Variants in ADAM18 observed in about 807,000 individuals in gnomAD.
ADAM18 encodes disintegrin and metalloproteinase domain-containing protein 18.
A neutral mutation model predicts 94.4 loss-of-function variants in ADAM18; 117 were observed. The observed-to-expected ratio is 1.24, with a 90% CI of 1.07 to 1.45. ADAM18 has a LOEUF of 1.45. Ranked by LOEUF, ADAM18 falls within the 40% of genes most tolerant of loss-of-function variation. ADAM18 has a pLI of 0.00. For synonymous variants in ADAM18, 327 were observed against 291.6 expected (o/e 1.12, Z -1.24); for missense variants, 936 against 880.0 (o/e 1.06, Z -0.81).
At chr8:39,679,711 C>T (rs558863303) in intron 15 of ADAM18, among the ~76,000 whole-genome samples, 9 of 152,206 alleles carry the variant, frequency 5.9e-5, no homozygotes, top group Admixed American at 5.9e-4. Flanking sequence ...GCTGGCCAAG[C>T]TATATCAAAG....
At chr8:39,615,137 A>G (rs1819400145) in intron 6 of ADAM18, among the ~76,000 whole-genome samples, 1 of 152,142 alleles carries the variant, frequency 6.6e-6, no homozygotes, top group Admixed American at 6.6e-5. Flanking sequence ...ACTCCACCCT[A>G]AGAACAGAAT....
chr8:39,653,723 C>T lies in ADAM18; in HGVS notation c.1230+5196C>T, dbSNP rs193147250. Among the ~76,000 whole-genome samples the T allele has an allele frequency of 6.0e-3, 915 of 152,246 alleles. 5 individuals carry two copies. Among genetic ancestry groups the T allele is most frequent in the African/African-American group, 0.021 (869 of 41,542 alleles). On this transcript the variant is annotated intron_variant, in intron 12 of 19. Transcript: ENST00000265707. ...TTTTATGTGTTTTTAATTGATATAT[C>T]ATAGTTGTACATATTTTGGGGGTAC... is the stretch of plus-strand genomic sequence containing the variant.
intron 18 of ADAM18, among the ~76,000 whole-genome samples, chr8:39,716,222 T>C (rs1822573701): frequency 6.6e-6 from 1 of 152,016 alleles, no homozygotes; most frequent in African/African-American, 2.4e-5. Context: ...CTTGCTATTT[T>C]TTTTCTGCTA....
chr8:39,673,851 T>A (rs1014550308), intron 14 of ADAM18, among the ~76,000 whole-genome samples: 7 of 152,220 alleles, frequency 4.6e-5, no homozygotes, highest in Non-Finnish European at 1.0e-4. Flanking sequence ...TCAAAGAACA[T>A]CTTTATTTCT....
chr8:39,676,687 T>G (rs1821311702), intron 14 of ADAM18, among the ~76,000 whole-genome samples: 1 of 152,210 alleles, frequency 6.6e-6, no homozygotes, highest in Admixed American at 6.5e-5. Context: ...ATGAACCAGG[T>G]ACCTCAGTTG....
Position 39,610,716 on chromosome 8 carries a change from A to C in ADAM18, c.522+10A>C, listed in dbSNP as rs758728874. The C allele has an allele frequency of 1.2e-6, 2 of 1,611,206 alleles. No homozygotes were observed. The highest frequency in any genetic ancestry group is 1.7e-6 in the Non-Finnish European group (2 of 1,178,786). ...TCCTTTAAACTCACAGGTGACTGTC[A>C]TCATTCTGATGTTATGACATACTAG... On this transcript the variant is annotated intron_variant, in intron 6 of 19. Coordinates refer to ENST00000265707, the MANE Select transcript of ADAM18 (RefSeq NM_014237.3).
At chr8:39,641,679 G>T (rs7016021) in intron 10 of ADAM18, among the ~76,000 whole-genome samples, 89,144 of 151,926 alleles carry the variant, frequency 0.59, 26,915 homozygotes, top group Non-Finnish European at 0.66. Flanking sequence ...GATAGTGACC[G>T]CTAGCTCCAT....
At chr8:39,661,339 T>A (rs1820833007) in intron 12 of ADAM18, among the ~76,000 whole-genome samples, 1 of 136,148 alleles carries the variant, frequency 7.3e-6, no homozygotes. Flanking sequence ...TTTTTTTTTT[T>A]TTTTTTTTGT....
chr8:39,653,288 C>T lies in ADAM18; in HGVS notation c.1230+4761C>T, dbSNP rs994190283. ...ATTAATACATAACATTTTTATTTGT[C>T]GATTTTTTAAAAAATGTATTTTTAA... On this transcript the variant is annotated intron_variant, in intron 12 of 19. Coordinates refer to ENST00000265707, the MANE Select transcript of ADAM18 (RefSeq NM_014237.3). Among the ~76,000 whole-genome samples, 5 of 151,294 alleles carry T rather than the reference C, an allele frequency of 3.3e-5. No homozygotes were observed. In the South Asian group the frequency reaches 8.3e-4, roughly 25 times the overall value.
At chr8:39,683,989 TA>T (rs1285324124) in intron 16 of ADAM18, among the ~76,000 whole-genome samples, 1 of 151,952 alleles carries the variant, frequency 6.6e-6, no homozygotes, top group South Asian at 2.1e-4. Context: ...AATATTATTT[TA>T]AAAAATTAGC....
At chr8:39,684,812 G>A (rs991233514) in intron 16 of ADAM18, among the ~76,000 whole-genome samples, 5 of 152,082 alleles carry the variant, frequency 3.3e-5, no homozygotes, top group East Asian at 1.9e-4. Flanking sequence ...CAGACAGCCC[G>A]GTGCCTCATT....
chr8:39,710,092 C>A (rs568618688), intron 18 of ADAM18, among the ~76,000 whole-genome samples: 1 of 152,232 alleles, frequency 6.6e-6, no homozygotes, highest in African/African-American at 2.4e-5. Context: ...TGGGATGATA[C>A]AGTTGTGTAG....
At chr8:39,592,496 A>C (rs934340307) in intron 2 of ADAM18, among the ~76,000 whole-genome samples, 1 of 152,194 alleles carries the variant, frequency 6.6e-6, no homozygotes, top group African/African-American at 2.4e-5. Flanking sequence ...ACACCATGGA[A>C]TATTATGCAG....
intron 6 of ADAM18, among the ~76,000 whole-genome samples, chr8:39,615,498 T>C (rs1412763499): frequency 6.6e-6 from 1 of 152,188 alleles, no homozygotes; most frequent in African/African-American, 2.4e-5. Flanking sequence ...CAGAAAAGAC[T>C]TTCAATAAAA....
In ADAM18 at chr8:39,680,057, T is replaced by C. The variant is rs752308883; in HGVS notation, c.1652T>C (p.Leu551Ser). Reference protein sequence around the residue: ...CERKDVLCGKLACVQPHKNAN... With the variant: ...CERKDVLCGKSACVQPHKNAN... ...TCCAGGGATGTTCTCTGTGGAAAAT[T>C]AGCTTGTGTTCAGCCACATAAAAAT... The change falls in exon 16 of 20, where the codon TTA (leucine) becomes TCA (serine). Residue 551 changes from leucine (L) to serine (S), a missense_variant. By Grantham distance (145) the Leu-to-Ser change is moderately radical. Coordinates refer to ENST00000265707, the MANE Select transcript of ADAM18 (RefSeq NM_014237.3). The C allele has an allele frequency of 8.7e-6, 14 of 1,613,462 alleles. No homozygotes were observed. The highest frequency in any genetic ancestry group is 1.2e-5 in the Non-Finnish European group (14 of 1,179,810).
chr8:39,656,412 C>G (rs1001051120), intron 12 of ADAM18, among the ~76,000 whole-genome samples: 4 of 151,954 alleles, frequency 2.6e-5, no homozygotes, highest in Non-Finnish European at 5.9e-5. Context: ...AAAAATGACG[C>G]TGGGACAATT....
At chr8:39,663,598 C>CAAAAAAAAAAAAAAAAAAAAA (rs10597769) in intron 12 of ADAM18, among the ~76,000 whole-genome samples, 197 bp from the exon 13 acceptor site, 1 of 19,592 alleles carries the variant, frequency 5.1e-5, no homozygotes, top group Non-Finnish European at 8.3e-5. Flanking sequence ...AATCCTGTCT[C>CAAAAAAAAAAAAAAAAAAAAA]AAAAAAAAAA....
chr8:39,652,776 A>G (rs1314674459), intron 12 of ADAM18, among the ~76,000 whole-genome samples: 1 of 152,218 alleles, frequency 6.6e-6, no homozygotes, highest in Non-Finnish European at 1.5e-5. Context: ...CAAGGAATCA[A>G]CCTAAGTGTC....
intron 18 of ADAM18, 47 bp downstream of exon 18, chr8:39,706,951 A>G (rs571692306): frequency 2.7e-6 from 3 of 1,107,180 alleles, no homozygotes; most frequent in East Asian, 2.4e-5. Flanking sequence ...GTTGTTTTAT[A>G]TAAAGTTAAT....
Sources: allele counts gnomAD v4.1 joint callset (sites outside exome capture counted in the v4.1 genomes callset), GRCh38; gene constraint gnomAD v4.1.1; transcripts MANE v1.5; gene names NCBI Gene and HGNC (gene_info 2026-07-23, HGNC 2026-07-21).